The following MARCHF1 variants were observed in gnomAD, a reference collection of about 807,000 sequenced individuals.
The protein encoded by MARCHF1 is membrane associated ring-CH-type finger 1.
Under a neutral mutation model 54.2 loss-of-function variants are expected in MARCHF1, and 40 were observed. The ratio of observed to expected loss-of-function variants is 0.74; its 90% CI spans 0.57 to 0.96. MARCHF1 has a LOEUF of 0.96. Among genes scored for constraint, MARCHF1 ranks in the 40% least tolerant of loss-of-function variants. The probability of loss-of-function intolerance (pLI) is 0.00; values close to 1 mark genes in which losing one functional copy is unlikely to be tolerated. For missense variants in MARCHF1, 586 were observed against 656.5 expected (o/e 0.89, Z 1.17); for synonymous variants, 236 against 236.3 (o/e 1.00, Z 0.01).
At chr4:164,189,958 A>G in intron 1 of MARCHF1, 1 of 1,534,914 alleles carries the variant, frequency 6.5e-7, no homozygotes, top group East Asian at 2.2e-5. Context: ...ATTACCAATG[A>G]CCAGAATCAC....
intron 1 of MARCHF1, among the ~76,000 whole-genome samples, chr4:164,345,210 T>G (rs911605943): frequency 1.3e-5 from 2 of 152,170 alleles, no homozygotes; most frequent in African/African-American, 4.8e-5. Flanking sequence ...CCATACATTA[T>G]GTGTCTTAAA....
chr4:163,816,432 AT>A (rs1321503758), intron 4 of MARCHF1, among the ~76,000 whole-genome samples: 1 of 151,810 alleles, frequency 6.6e-6, no homozygotes, highest in Non-Finnish European at 1.5e-5. Flanking sequence ...CTTTACCTTC[AT>A]ACATACAAGG....
chr4:164,380,978 A>G (rs1020661228), intron 1 of MARCHF1, among the ~76,000 whole-genome samples: 8 of 152,218 alleles, frequency 5.3e-5, no homozygotes, highest in African/African-American at 1.9e-4. Flanking sequence ...TCGCTCTATC[A>G]TAGAGGTCCT....
At chr4:164,220,683 AAT>A (rs199917464) in intron 1 of MARCHF1, among the ~76,000 whole-genome samples, 14 of 146,174 alleles carry the variant, frequency 9.6e-5, no homozygotes, top group East Asian at 3.9e-4. Context: ...GTATATATGT[AAT>A]ATATATGCTA....
chr4:164,050,344 A>G (rs10049499), intron 2 of MARCHF1, among the ~76,000 whole-genome samples: 57,857 of 147,234 alleles, frequency 0.39, 13,176 homozygotes, highest in African/African-American at 0.63. Flanking sequence ...CTCCCACTGC[A>G]TTCTCTATTA....
intron 5 of MARCHF1, among the ~76,000 whole-genome samples, chr4:163,654,990 T>G (rs1310821469): frequency 6.6e-6 from 1 of 151,460 alleles, no homozygotes; most frequent in Non-Finnish European, 1.5e-5. Context: ...TTCTACTATC[T>G]TGTTCAAATT....
intron 1 of MARCHF1, among the ~76,000 whole-genome samples, chr4:164,271,806 A>C (rs1453045623): frequency 6.6e-6 from 1 of 152,154 alleles, no homozygotes; most frequent in Non-Finnish European, 1.5e-5. Context: ...AGAAAAGTGA[A>C]AATATGACTA....
rs921785772 is a variant in MARCHF1, at chr4:163,891,355, T to TA, written c.-38-37187dup. Among the ~76,000 whole-genome samples, 7 of 152,050 alleles carry TA rather than the reference T, an allele frequency of 4.6e-5. No individual in the cohort carries two copies. In the South Asian group the frequency reaches 1.0e-3, roughly 23 times the overall value. ...AAAATCCAGAATAAAAGGTGTTAAC[T>TA]AAAAAAACACAAAACTGAGATTTCC... is the stretch of plus-strand genomic sequence containing the variant. On this transcript the variant is annotated intron_variant, in intron 3 of 9. Coordinates refer to ENST00000514618, the MANE Select transcript of MARCHF1 (RefSeq NM_001394959.1).
intron 8 of MARCHF1, among the ~76,000 whole-genome samples, chr4:163,576,802 C>T (rs77634716): frequency 6.8e-6 from 1 of 147,134 alleles, no homozygotes; most frequent in Non-Finnish European, 1.5e-5. Flanking sequence ...ATGTAATATC[C>T]TTCTTTGTCC....
chr4:163,858,000 C>G (rs2111181481), intron 3 of MARCHF1, among the ~76,000 whole-genome samples: 1 of 144,902 alleles, frequency 6.9e-6, no homozygotes, highest in East Asian at 2.1e-4. Flanking sequence ...GGAAGACTTT[C>G]CAAAGAAAGT....
intron 2 of MARCHF1, among the ~76,000 whole-genome samples, chr4:163,995,784 A>G (rs2110905019): frequency 6.6e-6 from 1 of 152,194 alleles, no homozygotes; most frequent in East Asian, 1.9e-4. Context: ...GAGTGTTTTG[A>G]CATCATTGAA....
intron 3 of MARCHF1, chr4:163,932,916 T>C (rs1289562613): frequency 4.7e-6 from 3 of 641,546 alleles, no homozygotes; most frequent in Non-Finnish European, 9.1e-6. Context: ...TGAAGCTGCA[T>C]GTGGTAATGA....
chr4:164,077,149 C>A (rs1046515358), intron 2 of MARCHF1, among the ~76,000 whole-genome samples: 1 of 152,126 alleles, frequency 6.6e-6, no homozygotes. Context: ...TTTACAGTAA[C>A]CCAAACAACA....
At chr4:164,003,512 T>C (rs1318285111) in intron 2 of MARCHF1, among the ~76,000 whole-genome samples, 1 of 151,962 alleles carries the variant, frequency 6.6e-6, no homozygotes, top group Non-Finnish European at 1.5e-5. Flanking sequence ...GTAAACACTA[T>C]TCAAAACAAA....
At chr4:163,609,153 C>T (rs1511777) in intron 7 of MARCHF1, among the ~76,000 whole-genome samples, 139,682 of 152,066 alleles carry the variant, frequency 0.92, 64,266 homozygotes, top group African/African-American at 0.97. Context: ...TATTGAAAAA[C>T]TATACACGCC....
intron 2 of MARCHF1, among the ~76,000 whole-genome samples, chr4:164,074,131 GAAAT>G (rs1180724457): frequency 6.6e-6 from 1 of 152,080 alleles, no homozygotes; most frequent in Non-Finnish European, 1.5e-5. Flanking sequence ...AGTAATTTTT[GAAAT>G]AAATAACCAC....
chr4:163,826,699 TG>T (rs1168865346), intron 4 of MARCHF1, among the ~76,000 whole-genome samples: 1 of 152,078 alleles, frequency 6.6e-6, no homozygotes, highest in Admixed American at 6.6e-5. Context: ...TGATGAATGC[TG>T]TAAGGAAACA....
At chr4:164,059,857 C>T (rs540385455) in intron 2 of MARCHF1, among the ~76,000 whole-genome samples, 34 of 152,090 alleles carry the variant, frequency 2.2e-4, no homozygotes, top group Non-Finnish European at 4.6e-4. Context: ...TAATATGTTT[C>T]ATAAAGGTAG....
chr4:163,723,006 A>G (rs998013579), intron 4 of MARCHF1, among the ~76,000 whole-genome samples: 20 of 152,202 alleles, frequency 1.3e-4, no homozygotes, highest in African/African-American at 4.6e-4. Flanking sequence ...TTTTAAGTGG[A>G]GCATTTAGCC....
Sources: allele counts gnomAD v4.1 joint callset (sites outside exome capture counted in the v4.1 genomes callset), GRCh38; gene constraint gnomAD v4.1.1; transcripts MANE v1.5; gene names NCBI Gene and HGNC (gene_info 2026-07-23, HGNC 2026-07-21).